The following KCNIP4 variants were observed in gnomAD, a reference collection of about 807,000 sequenced individuals.
The protein encoded by KCNIP4 is Kv channel-interacting protein 4.
In KCNIP4, 12 loss-of-function variants were observed where a neutral mutation model predicts 34.0. The observed-to-expected ratio is 0.35, with a 90% CI of 0.23 to 0.57. The LOEUF (loss-of-function observed/expected upper bound fraction) is 0.57. Ranked by LOEUF, KCNIP4 falls within the 20% of genes least tolerant of loss-of-function variation. The pLI is 0.83. For synonymous variants in KCNIP4, 124 were observed against 102.2 expected (o/e 1.21, Z -1.29); for missense variants, 238 against 311.7 (o/e 0.76, Z 1.78).
chr4:20,820,766 C>T (rs1215564495), intron 3 of KCNIP4, among the ~76,000 whole-genome samples: 2 of 152,210 alleles, frequency 1.3e-5, no homozygotes, highest in African/African-American at 4.8e-5. Flanking sequence ...CCCTGTGGGA[C>T]TTTGAGGCTT....
intron 1 of KCNIP4, among the ~76,000 whole-genome samples, chr4:21,004,389 A>G (rs1738384790): frequency 6.6e-6 from 1 of 152,216 alleles, no homozygotes; most frequent in Non-Finnish European, 1.5e-5. Flanking sequence ...TAGGGAGACC[A>G]AAGAGGAATA....
chr4:21,215,433 C>T (rs1757488261), intron 1 of KCNIP4, among the ~76,000 whole-genome samples: 1 of 152,168 alleles, frequency 6.6e-6, no homozygotes, highest in African/African-American at 2.4e-5. Context: ...TGTTCTTTTC[C>T]TAGTAACACT....
Position 21,234,236 on chromosome 4 carries a change from T to TATATATAACATATATTATATATAAC in KCNIP4, c.62-351552_62-351528dup, listed in dbSNP as rs1316484474. On this transcript the variant is annotated intron_variant, in intron 1 of 8. Coordinates refer to ENST00000382152, the MANE Select transcript of KCNIP4 (RefSeq NM_025221.6). The stretch of plus-strand genomic sequence containing the variant: ...TATATTATATATAACATATATAACA[T>TATATATAACATATATTATATATAAC]ATATATAACATATATTATATATAAC... 2.1e-4 allele frequency among the ~76,000 whole-genome samples: 8 copies of TATATATAACATATATTATATATAAC among 38,926 alleles called. 2 individuals carry two copies. The highest frequency in any genetic ancestry group is 1.4e-3 in the East Asian group (3 of 2,184). 25.5% of individuals were successfully genotyped at this position (38,926 alleles called of 152,430 possible). A position where few individuals can be genotyped will look rare whatever the true frequency, so the allele number is the denominator to read the frequency against.
chr4:21,053,126 T>C (rs970225538), intron 1 of KCNIP4, among the ~76,000 whole-genome samples: 2 of 152,002 alleles, frequency 1.3e-5, no homozygotes, highest in Non-Finnish European at 2.9e-5. Context: ...ACCACACAGA[T>C]AAATATAAAT....
At chr4:21,352,555 G>T (rs976923520) in intron 1 of KCNIP4, among the ~76,000 whole-genome samples, 1 of 152,224 alleles carries the variant, frequency 6.6e-6, no homozygotes, top group Admixed American at 6.5e-5. Context: ...GCCTTGCAAG[G>T]CTGCAGCCTG....
In KCNIP4 at chr4:21,757,243, G is replaced by GAAAGAAAAGAAAAGA. The variant is rs145596310; in HGVS notation, c.61+191313_61+191327dup. Among the ~76,000 whole-genome samples the GAAAGAAAAGAAAAGA allele has an allele frequency of 7.9e-4, 21 of 26,496 alleles. 1 individual carries two copies. The highest frequency in any genetic ancestry group is 4.5e-3 in the African/African-American group (20 of 4,442). 17.4% of individuals were successfully genotyped at this position (26,496 alleles called of 152,430 possible). ...AGAAAGAAAGAAAGAAAGAAAGAAA[G>GAAAGAAAAGAAAAGA]AAAGAAAAGAAAAGAAAAGAAAAGA... is the stretch of plus-strand genomic sequence containing the variant. On this transcript the variant is annotated intron_variant, in intron 1 of 8. Coordinates refer to ENST00000382152, the MANE Select transcript of KCNIP4 (RefSeq NM_025221.6).
intron 1 of KCNIP4, among the ~76,000 whole-genome samples, chr4:21,598,644 G>A (rs746614474): frequency 9.2e-5 from 14 of 152,022 alleles, no homozygotes; most frequent in East Asian, 1.9e-4. Context: ...CTATTTCACC[G>A]TTTTCTTGCA....
chr4:21,595,020 T>C (rs148427862), intron 1 of KCNIP4, among the ~76,000 whole-genome samples: 4,153 of 152,192 alleles, frequency 0.027, 198 homozygotes, highest in African/African-American at 0.094. Flanking sequence ...GTGTGCAGAA[T>C]GTGCAGGTTT....
intron 1 of KCNIP4, among the ~76,000 whole-genome samples, chr4:21,202,859 GC>G (rs1214795913): frequency 2.0e-5 from 3 of 152,076 alleles, no homozygotes; most frequent in African/African-American, 4.8e-5. Context: ...GGGCTACTAG[GC>G]CCACGCCTCA....
intron 1 of KCNIP4, among the ~76,000 whole-genome samples, chr4:21,320,792 G>T (rs760166833): frequency 6.6e-6 from 1 of 151,890 alleles, no homozygotes; most frequent in Non-Finnish European, 1.5e-5. Flanking sequence ...CCAACATGGC[G>T]AAGCCCCATC....
intron 1 of KCNIP4, among the ~76,000 whole-genome samples, chr4:21,399,869 G>C (rs1446261588): frequency 6.6e-6 from 1 of 152,154 alleles, no homozygotes; most frequent in East Asian, 1.9e-4. Context: ...TCTAGACGTG[G>C]AGCAGGGCCA....
Position 21,592,128 on chromosome 4 carries a change from G to A in KCNIP4, c.61+356443C>T, listed in dbSNP as rs569930895. 3.3e-5 allele frequency among the ~76,000 whole-genome samples: 5 copies of A among 152,098 alleles called. No homozygotes were observed. The South Asian group carries it at 1.0e-3, about 31-fold the overall frequency. The stretch of plus-strand genomic sequence containing the variant: ...GGATCTGACTTAGAAGTCATTGACA[G>A]AGAGAAGCATTGAAATTATCACTAT... On this transcript the variant is annotated intron_variant, in intron 1 of 8. Transcript: ENST00000382152.
chr4:21,940,650 T>A (rs1330787734), intron 1 of KCNIP4, among the ~76,000 whole-genome samples: 1 of 152,092 alleles, frequency 6.6e-6, no homozygotes, highest in East Asian at 1.9e-4. Flanking sequence ...AAGCTACAAG[T>A]AGATATCATT....
At chr4:21,415,571 G>A (rs539997878) in intron 1 of KCNIP4, among the ~76,000 whole-genome samples, 75 of 151,706 alleles carry the variant, frequency 4.9e-4, no homozygotes, top group African/African-American at 1.6e-3. Context: ...GTGTGGTGGC[G>A]CACGCTTGTA....
At chr4:20,901,277 T>A (rs1727128325) in intron 1 of KCNIP4, among the ~76,000 whole-genome samples, 1 of 152,258 alleles carries the variant, frequency 6.6e-6, no homozygotes, top group Admixed American at 6.5e-5. Context: ...TCTTCAGTTC[T>A]TCCCATACTG....
intron 1 of KCNIP4, among the ~76,000 whole-genome samples, chr4:21,001,698 C>G (rs557456829): frequency 1.3e-3 from 200 of 152,286 alleles, no homozygotes; most frequent in Admixed American, 2.8e-3. Flanking sequence ...TATATTATCC[C>G]ACTTAACTGT....
At chr4:20,946,676 T>G (rs1183863241) in intron 1 of KCNIP4, among the ~76,000 whole-genome samples, 1 of 152,212 alleles carries the variant, frequency 6.6e-6, no homozygotes, top group Non-Finnish European at 1.5e-5. Context: ...CCCTTCAGGT[T>G]TTTATCAAAT....
chr4:21,555,478 T>C (rs1738935204), intron 1 of KCNIP4, among the ~76,000 whole-genome samples: 1 of 152,170 alleles, frequency 6.6e-6, no homozygotes, highest in Non-Finnish European at 1.5e-5. Flanking sequence ...TTTTTAGAAA[T>C]ATTGATTTTC....
At chr4:21,420,218 C>T (rs763910442) in intron 1 of KCNIP4, among the ~76,000 whole-genome samples, 54 of 152,158 alleles carry the variant, frequency 3.5e-4, no homozygotes, top group Non-Finnish European at 4.7e-4. Context: ...ATTTCTTTTT[C>T]TAATTCAACT....
Sources: gnomAD v4.1 joint callset for allele counts (sites outside exome capture counted in the v4.1 genomes callset) on GRCh38, gnomAD v4.1.1 for gene constraint, MANE v1.5 for transcripts, NCBI Gene and HGNC (gene_info 2026-07-23, HGNC 2026-07-21) for gene names.